PRKN: variants seen among roughly 807,000 people sequenced by gnomAD.
The protein encoded by PRKN is E3 ubiquitin-protein ligase parkin.
Under a neutral mutation model 59.5 loss-of-function variants are expected in PRKN, and 56 were observed. That is an observed-to-expected ratio of 0.94 (90% CI 0.76 to 1.18). The LOEUF is 1.18. PRKN is among the 50% of genes most tolerant of loss of function. The probability of loss-of-function intolerance (pLI) is 0.00; values close to 1 mark genes in which losing one functional copy is unlikely to be tolerated. For synonymous variants in PRKN, 250 were observed against 222.1 expected (o/e 1.13, Z -1.12); for missense variants, 657 against 596.4 (o/e 1.10, Z -1.06).
intron 10 of PRKN, among the ~76,000 whole-genome samples, chr6:161,365,430 G>A (rs1021462324): frequency 1.3e-5 from 2 of 152,198 alleles, no homozygotes; most frequent in African/African-American, 4.8e-5. Context: ...TCAACTGGGC[G>A]AATACAATGT....
At chr6:161,779,435 C>CTTTCCTTT (rs1234367519) in intron 7 of PRKN, among the ~76,000 whole-genome samples, 68 of 40,414 alleles carry the variant, frequency 1.7e-3, no homozygotes, top group Non-Finnish European at 3.2e-3. Context: ...TTTTTCTTTT[C>CTTTCCTTT]TTTTCTTTTT....
At chr6:162,671,354 C>T (rs1375473629) in intron 1 of PRKN, among the ~76,000 whole-genome samples, 1 of 151,948 alleles carries the variant, frequency 6.6e-6, no homozygotes, top group Non-Finnish European at 1.5e-5. Context: ...CAAAAATTAG[C>T]TGGGTGTGGT....
At chr6:161,916,307 C>A (rs1778555730) in intron 6 of PRKN, among the ~76,000 whole-genome samples, 1 of 152,092 alleles carries the variant, frequency 6.6e-6, no homozygotes, top group African/African-American at 2.4e-5. Flanking sequence ...AATAGGAATA[C>A]CACCCATAAT....
At chr6:161,825,087 A>C (rs1221559919) in intron 6 of PRKN, among the ~76,000 whole-genome samples, 1 of 152,190 alleles carries the variant, frequency 6.6e-6, no homozygotes, top group East Asian at 1.9e-4. Context: ...AATAAAAATA[A>C]ATTGTAATCG....
At chr6:161,861,906 A>G (rs1260775480) in intron 6 of PRKN, among the ~76,000 whole-genome samples, 1 of 152,226 alleles carries the variant, frequency 6.6e-6, no homozygotes, top group Middle Eastern at 3.2e-3. Flanking sequence ...ACAGAAATTT[A>G]TCTCCTATCA....
At chr6:162,135,579 C>T (rs989392908) in intron 4 of PRKN, among the ~76,000 whole-genome samples, 1 of 152,090 alleles carries the variant, frequency 6.6e-6, no homozygotes, top group Non-Finnish European at 1.5e-5. Context: ...GAGTTGAAAT[C>T]ATCACTTCAC....
rs1377470013 is a variant in PRKN, at chr6:162,410,018, T to C, written c.171+33292A>G. On this transcript the variant is annotated intron_variant, in intron 2 of 11. Transcript: ENST00000366898. ...TACAGCAGCTTTCATCGACTCAGCATGGCTAACAAAATAACATTATCAATG... is the reference window on the plus strand; with the variant it reads ...TACAGCAGCTTTCATCGACTCAGCACGGCTAACAAAATAACATTATCAATG... Among the ~76,000 whole-genome samples the C allele has an allele frequency of 2.0e-5, 3 of 152,296 alleles. No individual in the cohort carries two copies. The East Asian group carries it at 5.8e-4, about 29-fold the overall frequency.
At chr6:161,978,276 C>T (rs1450554714) in intron 5 of PRKN, among the ~76,000 whole-genome samples, 1 of 152,072 alleles carries the variant, frequency 6.6e-6, no homozygotes, top group Non-Finnish European at 1.5e-5. Context: ...TGTCAAACTC[C>T]AGACCTCAGG....
At chr6:161,521,223 C>T (rs913860187) in intron 9 of PRKN, among the ~76,000 whole-genome samples, 15 of 18,092 alleles carry the variant, frequency 8.3e-4, no homozygotes, top group African/African-American at 2.4e-3. Flanking sequence ...AAGAGAGTGA[C>T]AAACAGTGAC....
At chr6:161,727,372 G>T (rs927009728) in intron 7 of PRKN, among the ~76,000 whole-genome samples, 3 of 152,164 alleles carry the variant, frequency 2.0e-5, no homozygotes, top group Admixed American at 2.0e-4. Flanking sequence ...CTCCTCTCCT[G>T]CAACTCACAG....
At chr6:162,073,798 A>G (rs566609543) in intron 4 of PRKN, among the ~76,000 whole-genome samples, 1 of 152,336 alleles carries the variant, frequency 6.6e-6, no homozygotes, top group Non-Finnish European at 1.5e-5. Context: ...CACTTCCAAT[A>G]CAAAAACGTG....
intron 2 of PRKN, among the ~76,000 whole-genome samples, chr6:162,390,396 T>TATACAC (rs1180636201): frequency 1.0e-3 from 85 of 84,092 alleles, no homozygotes; most frequent in South Asian, 5.3e-3. Context: ...TATATATATA[T>TATACAC]ACACACACAC....
chr6:161,433,472 A>G (rs566532460), intron 9 of PRKN, among the ~76,000 whole-genome samples: 1 of 152,344 alleles, frequency 6.6e-6, no homozygotes, highest in South Asian at 2.1e-4. Context: ...ATTAAAAATT[A>G]AAGGCTTTGT....
At chr6:161,782,555 G>A (rs1392529763) in intron 7 of PRKN, among the ~76,000 whole-genome samples, 1 of 151,990 alleles carries the variant, frequency 6.6e-6, no homozygotes, top group Non-Finnish European at 1.5e-5. Context: ...TTTTGCTTTG[G>A]AATAATGGAA....
intron 5 of PRKN, among the ~76,000 whole-genome samples, chr6:162,021,173 A>G (rs1296745026): frequency 1.7e-5 from 1 of 59,838 alleles, no homozygotes; most frequent in Non-Finnish European, 3.7e-5. Context: ...TATAAAATAT[A>G]TGTGTATATA....
At chr6:162,635,419 T>C (rs1234643987) in intron 1 of PRKN, among the ~76,000 whole-genome samples, 1 of 152,232 alleles carries the variant, frequency 6.6e-6, no homozygotes, top group Non-Finnish European at 1.5e-5. Flanking sequence ...TGTGATTATA[T>C]GGCAGGATCC....
chr6:162,114,032 T>C (rs1207156090), intron 4 of PRKN, among the ~76,000 whole-genome samples: 14 of 151,452 alleles, frequency 9.2e-5, no homozygotes, highest in East Asian at 3.9e-4. Context: ...TGTAGATATG[T>C]GGCATTATTT....
intron 3 of PRKN, among the ~76,000 whole-genome samples, chr6:162,228,889 ACAT>A (rs1778301364): frequency 6.6e-6 from 1 of 152,172 alleles, no homozygotes; most frequent in Non-Finnish European, 1.5e-5. Flanking sequence ...ACCCACAGTA[ACAT>A]CAGCCTAGCC....
chr6:161,967,506 C>A (rs1164919454), intron 6 of PRKN, among the ~76,000 whole-genome samples: 1 of 152,066 alleles, frequency 6.6e-6, no homozygotes, highest in Non-Finnish European at 1.5e-5. Context: ...CTCTTAAGGT[C>A]AAAAAGTTAG....
Sources: gnomAD v4.1 joint callset for allele counts (sites outside exome capture counted in the v4.1 genomes callset) on GRCh38, gnomAD v4.1.1 for gene constraint, MANE v1.5 for transcripts, NCBI Gene and HGNC (gene_info 2026-07-23, HGNC 2026-07-21) for gene names.